Variants in WASF3 observed in about 807,000 individuals in gnomAD.
WASF3 encodes the protein actin-binding protein WASF3.
A neutral mutation model predicts 46.6 loss-of-function variants in WASF3; 11 were observed. The observed-to-expected ratio is 0.24, with a 90% CI of 0.15 to 0.39. The LOEUF (loss-of-function observed/expected upper bound fraction) is 0.39. Ranked by LOEUF, WASF3 falls within the 10% of genes least tolerant of loss-of-function variation. The pLI, the probability that WASF3 is intolerant of heterozygous loss-of-function variation, is 1.00. For synonymous variants in WASF3, 242 were observed against 259.7 expected, an observed-to-expected ratio of 0.93 and a Z score of 0.65; for missense variants, 576 against 669.8, an observed-to-expected ratio of 0.86 and a Z score of 1.55.
chr13:26,655,132 A>T (rs534587770), intron 3 of WASF3, among the ~76,000 whole-genome samples: 1 of 152,188 alleles, frequency 6.6e-6, no homozygotes, highest in Admixed American at 6.5e-5. Flanking sequence ...ATACAAATGC[A>T]TGTATGCATA....
intron 3 of WASF3, among the ~76,000 whole-genome samples, chr13:26,644,847 A>T (rs537211832): frequency 3.9e-5 from 6 of 152,282 alleles, no homozygotes; most frequent in Non-Finnish European, 7.3e-5. Context: ...AAGCAAGAAC[A>T]TGAGCGAGAC....
At chr13:26,663,759 A>G (rs1323968242) in intron 3 of WASF3, among the ~76,000 whole-genome samples, 2 of 152,230 alleles carry the variant, frequency 1.3e-5, no homozygotes, top group Non-Finnish European at 2.9e-5. Context: ...CATTAAGTAG[A>G]TAAGAAATTA....
chr13:26,581,377 CATTTAA>C (rs1484632818), intron 1 of WASF3, among the ~76,000 whole-genome samples: 4 of 151,546 alleles, frequency 2.6e-5, no homozygotes, highest in African/African-American at 9.7e-5. Flanking sequence ...TTGCAAATTT[CATTTAA>C]ATTTAAGTTA....
chr13:26,558,067 C>T (rs1418950707), intron 1 of WASF3, among the ~76,000 whole-genome samples: 1 of 151,674 alleles, frequency 6.6e-6, no homozygotes, highest in East Asian at 2.0e-4. Context: ...CGTCACGGCG[C>T]GGCCAGGCGG....
chr13:26,560,093 A>G (rs994107826), intron 1 of WASF3, among the ~76,000 whole-genome samples: 23 of 151,974 alleles, frequency 1.5e-4, no homozygotes, highest in Non-Finnish European at 3.1e-4. Context: ...TGCTGGGATT[A>G]CAGGCGTGAG....
At chr13:26,581,246 T>A (rs1301057481) in intron 1 of WASF3, among the ~76,000 whole-genome samples, 1 of 152,170 alleles carries the variant, frequency 6.6e-6, no homozygotes, top group Non-Finnish European at 1.5e-5. Flanking sequence ...TTCTTTTTTT[T>A]AAGATTATTT....
Position 26,676,750 on chromosome 13 carries a change from G to A in WASF3, c.716+26G>A, listed in dbSNP as rs762930626. The A allele has an allele frequency of 3.2e-6, 5 of 1,587,294 alleles. No individual in the cohort carries two copies. The South Asian group carries it at 5.8e-5, about 18-fold the overall frequency. On this transcript the variant is annotated intron_variant, in intron 7 of 9. Transcript: ENST00000335327. ...GTGTGTGTGTGTCACTGCTCCCTCA[G>A]CCCTGATGCTTGGGCAACTGGGTAC...
At chr13:26,621,453 C>T (rs1413858501) in intron 2 of WASF3, among the ~76,000 whole-genome samples, 1 of 151,654 alleles carries the variant, frequency 6.6e-6, no homozygotes, top group Non-Finnish European at 1.5e-5. Flanking sequence ...GGAGAAGAAA[C>T]TGAGGCCCAC....
intron 1 of WASF3, among the ~76,000 whole-genome samples, chr13:26,572,646 A>C (rs1879673710): frequency 6.6e-6 from 1 of 152,110 alleles, no homozygotes; most frequent in Non-Finnish European, 1.5e-5. Context: ...GCTCACTGCA[A>C]CCTCGGCCTC....
chr13:26,633,196 A>ATTTTTTTTT (rs1881705978), intron 2 of WASF3, among the ~76,000 whole-genome samples: 2 of 22,160 alleles, frequency 9.0e-5, no homozygotes, highest in Non-Finnish European at 1.9e-4. Flanking sequence ...GATCTTAGTT[A>ATTTTTTTTT]TTTCTTTTTT....
intron 3 of WASF3, among the ~76,000 whole-genome samples, chr13:26,647,239 A>G (rs78386295): frequency 6.6e-4 from 100 of 152,326 alleles, no homozygotes; most frequent in African/African-American, 2.3e-3. Context: ...AGGTTTGTCC[A>G]ATAATTTTTT....
intron 1 of WASF3, among the ~76,000 whole-genome samples, chr13:26,594,688 G>A (rs972445919): frequency 9.9e-5 from 15 of 152,176 alleles, no homozygotes; most frequent in African/African-American, 3.4e-4. Flanking sequence ...CAACTCTCCC[G>A]GTTACTTGTA....
chr13:26,563,036 G>A (rs1173603825), intron 1 of WASF3, among the ~76,000 whole-genome samples: 1 of 150,922 alleles, frequency 6.6e-6, no homozygotes, highest in Non-Finnish European at 1.5e-5. Context: ...TCCTTTGCAG[G>A]GCGGTTGCTT....
In WASF3 at chr13:26,681,203, C is replaced by T. The variant is rs201998328; in HGVS notation, c.866C>T (p.Pro289Leu). The T allele has an allele frequency of 5.0e-6, 8 of 1,614,134 alleles. No individual in the cohort carries two copies. The East Asian group carries it at 1.3e-4, about 27-fold the overall frequency. ...SQAAEHEYRP[P>L]SASARHMALN... ...GCTGCGGAGCATGAGTACCGGCCCC[C>T]ATCTGCCTCGGCGAGGCACATGGCC... The change falls in exon 8 of 10, where the codon CCA becomes CTA. Residue 289 changes from proline to leucine, a missense_variant. Physicochemically the swap from Pro to Leu is moderately conservative, Grantham distance 98. Coordinates refer to ENST00000335327, the MANE Select transcript of WASF3 (RefSeq NM_006646.6).
chr13:26,573,751 A>G (rs897834932), intron 1 of WASF3, among the ~76,000 whole-genome samples: 2 of 152,210 alleles, frequency 1.3e-5, no homozygotes, highest in African/African-American at 4.8e-5. Context: ...AATTTTCACA[A>G]AATGAATTCA....
In WASF3 at chr13:26,679,996, C is replaced by T. The variant is rs1566073721; in HGVS notation, c.717-1058C>T. On this transcript the variant is annotated intron_variant, in intron 7 of 9. Coordinates refer to ENST00000335327, the MANE Select transcript of WASF3 (RefSeq NM_006646.6). This position sits in a 1 kb window ranked among gnomAD's most constrained non-coding sequence, Gnocchi z 4.8. The stretch of plus-strand genomic sequence containing the variant: ...AAATGCAGCGTGCATCTTCCCTGCT[C>T]CCTCAGCACCCCCAATGTGTGTTTG... The T allele has an allele frequency of 1.3e-6, 2 of 1,581,428 alleles. No individual in the cohort carries two copies. The highest frequency in any genetic ancestry group is 1.7e-6 in the Non-Finnish European group (2 of 1,171,152).
At chr13:26,676,103 T>C (rs557282451) in intron 6 of WASF3, among the ~76,000 whole-genome samples, 14 of 152,334 alleles carry the variant, frequency 9.2e-5, no homozygotes, top group African/African-American at 2.9e-4. Context: ...CTTTTAGAAA[T>C]TGGGAACAGA....
intron 1 of WASF3, among the ~76,000 whole-genome samples, chr13:26,563,004 T>C (rs1879347553): frequency 6.6e-6 from 1 of 151,690 alleles, no homozygotes; most frequent in African/African-American, 2.4e-5. Flanking sequence ...TCTCAAGACA[T>C]GCTCTTCTGA....
At chr13:26,665,432 T>TATTCA (rs1218646400) in intron 4 of WASF3, among the ~76,000 whole-genome samples, 14 of 152,340 alleles carry the variant, frequency 9.2e-5, no homozygotes, top group African/African-American at 3.4e-4. Context: ...ATACAGTCAG[T>TATTCA]ATTAGAAGCC....
Sources: gnomAD v4.1 joint callset for allele counts (sites outside exome capture counted in the v4.1 genomes callset) on GRCh38, gnomAD v4.1.1 for gene constraint, Gnocchi (gnomAD v3.1) non-coding constraint, MANE v1.5 for transcripts, NCBI Gene and HGNC (gene_info 2026-07-23, HGNC 2026-07-21) for gene names.